The following LAD1 variants were observed in gnomAD, a reference collection of about 807,000 sequenced individuals.
The protein encoded by LAD1 is ladinin 1.
LAD1 carries 53 observed loss-of-function variants against 54.2 expected under a neutral mutation model. The observed-to-expected ratio is 0.98, with a 90% CI of 0.78 to 1.23. LAD1 has a LOEUF of 1.23. LAD1 is among the 50% of genes most tolerant of loss of function. LAD1 has a pLI of 0.00. For synonymous variants in LAD1, 231 were observed against 257.7 expected (o/e 0.90, Z 0.99); for missense variants, 637 against 653.3 (o/e 0.98, Z 0.27).
Position 201,398,193 on chromosome 1 carries a change from C to T in LAD1, c.38+1076G>A, listed in dbSNP as rs149982007. ...AGCCCTTATTAAGGGAGGGCAGGAGCGGGGTAGAGGACATACTAGAGCACT... is the reference window on the plus strand; with the variant it reads ...AGCCCTTATTAAGGGAGGGCAGGAGTGGGGTAGAGGACATACTAGAGCACT... On this transcript the variant is annotated intron_variant, in intron 1 of 9. Transcript: ENST00000391967. Among the ~76,000 whole-genome samples the T allele has an allele frequency of 9.1e-3, 1,380 of 152,158 alleles. 22 individuals carry two copies. Among genetic ancestry groups the T allele is most frequent in the African/African-American group, 0.031 (1,302 of 41,496 alleles).
intron 1 of LAD1, among the ~76,000 whole-genome samples, chr1:201,393,949 G>T (rs552392934): frequency 6.8e-6 from 1 of 146,850 alleles, no homozygotes; most frequent in Non-Finnish European, 1.5e-5. Flanking sequence ...GGTGGCTCAC[G>T]CCTGTAATCC....
rs966000401 is a variant in LAD1 at position 201,384,929 on chromosome 1, C to G, written c.1132-94G>C. 1.4e-5 allele frequency: 17 copies of G among 1,228,040 alleles called. No homozygotes were observed. The East Asian group carries it at 2.3e-4, about 17-fold the overall frequency. 76.1% of individuals were successfully genotyped at this position (1,228,040 alleles called of 1,614,324 possible). A position where few individuals can be genotyped will look rare whatever the true frequency, so the allele number is the denominator to read the frequency against. On this transcript the variant is annotated intron_variant, in intron 4 of 9. Coordinates refer to ENST00000391967, the MANE Select transcript of LAD1 (RefSeq NM_005558.4). Reference sequence around the variant, plus strand: ...AGCCCAGCTCTCAAGACATGTCCTCCTCCTCTTCAGACCTCCCACCCCTTC... The same window carrying G: ...AGCCCAGCTCTCAAGACATGTCCTCGTCCTCTTCAGACCTCCCACCCCTTC...
At chr1:201,394,083 G>A (rs1324277615) in intron 1 of LAD1, among the ~76,000 whole-genome samples, 1 of 152,168 alleles carries the variant, frequency 6.6e-6, no homozygotes, top group Non-Finnish European at 1.5e-5. Context: ...CCTGCAGTGA[G>A]AGAAACAACC....
At chr1:201,397,204 G>A (rs75019933) in intron 1 of LAD1, 4,006 of 152,516 alleles carry the variant, frequency 0.026, 67 homozygotes, top group Middle Eastern at 0.047. Flanking sequence ...CCCAGCCCAG[G>A]AGGCTCTGTT....
chr1:201,389,154 A>G lies in LAD1; in HGVS notation c.182+6T>C. Reference sequence around the variant, plus strand: ...CATCCATCAGGATAGAAACCTGAGCACCTACCTCTCAGAAGCAGAGGCCTG... The same window carrying G: ...CATCCATCAGGATAGAAACCTGAGCGCCTACCTCTCAGAAGCAGAGGCCTG... On this transcript the variant is annotated splice_donor_region_variant and intron_variant, in intron 2 of 9. Transcript: ENST00000391967. The G allele has an allele frequency of 1.2e-6, 2 of 1,613,464 alleles. No homozygotes were observed. Among genetic ancestry groups the G allele is most frequent in the Non-Finnish European group, 1.7e-6 (2 of 1,179,506 alleles).
chr1:201,395,070 A>G (rs74136611), intron 1 of LAD1, among the ~76,000 whole-genome samples: 12,672 of 152,146 alleles, frequency 0.083, 1,174 homozygotes, highest in African/African-American at 0.23. Flanking sequence ...CAAGCTTTAT[A>G]CTAAGACCCC....
chr1:201,390,715 C>G (rs1662183661), intron 1 of LAD1, among the ~76,000 whole-genome samples: 2 of 152,176 alleles, frequency 1.3e-5, no homozygotes, highest in Admixed American at 1.3e-4. Context: ...TCTCTAGCCT[C>G]TACCTGCTGG....
chr1:201,383,042 C>A, intron 7 of LAD1, 32 bp downstream of exon 7: 2 of 1,601,860 alleles, frequency 1.2e-6, no homozygotes, highest in Non-Finnish European at 1.7e-6. Flanking sequence ...GGCTAATCAC[C>A]CTAAGGACCC....
chr1:201,392,006 C>G (rs1394230119), intron 1 of LAD1, among the ~76,000 whole-genome samples: 1 of 152,254 alleles, frequency 6.6e-6, no homozygotes, highest in Non-Finnish European at 1.5e-5. Context: ...GCCAAACTCT[C>G]TACCCTTTGC....
At chr1:201,398,645 G>C (rs899206819) in intron 1 of LAD1, among the ~76,000 whole-genome samples, 6 of 152,154 alleles carry the variant, frequency 3.9e-5, no homozygotes, top group African/African-American at 1.2e-4. Context: ...CCTCATCCCC[G>C]ACCCTTTAGG....
intron 3 of LAD1, 61 bp downstream of exon 3, chr1:201,386,274 T>C: frequency 2.6e-5 from 33 of 1,255,020 alleles, no homozygotes; most frequent in Non-Finnish European, 3.1e-5. Flanking sequence ...TGGGTGGGAC[T>C]GGCCGGCAGT....
intron 2 of LAD1, among the ~76,000 whole-genome samples, chr1:201,388,071 A>T (rs1662131128): frequency 6.6e-6 from 1 of 152,156 alleles, no homozygotes; most frequent in Admixed American, 6.5e-5. Context: ...TCTAGATGGC[A>T]AAACTAGCCC....
chr1:201,384,525 C>A (rs531675732), intron 5 of LAD1, among the ~76,000 whole-genome samples: 17 of 152,168 alleles, frequency 1.1e-4, no homozygotes, highest in Admixed American at 9.8e-4. Context: ...CAAGGCTAAA[C>A]CCTCATCCCC....
chr1:201,398,440 A>G (rs1322370492), intron 1 of LAD1, among the ~76,000 whole-genome samples: 2 of 152,114 alleles, frequency 1.3e-5, no homozygotes, highest in Non-Finnish European at 2.9e-5. Flanking sequence ...TAGGGACAAG[A>G]TGGGGGACGG....
At chr1:201,390,501 C>T (rs2102358760) in intron 1 of LAD1, among the ~76,000 whole-genome samples, 1 of 152,262 alleles carries the variant, frequency 6.6e-6, no homozygotes, top group Admixed American at 6.5e-5. Flanking sequence ...AGTGCCATTG[C>T]ACTCCAGCCT....
At chr1:201,394,129 G>A (rs182839755) in intron 1 of LAD1, among the ~76,000 whole-genome samples, 1 of 152,226 alleles carries the variant, frequency 6.6e-6, no homozygotes, top group East Asian at 1.9e-4. Flanking sequence ...TGCCCAGTAC[G>A]GTGCCCGGCA....
At chr1:201,382,843 A>G (rs748164442) in intron 7 of LAD1, 104 bp from the exon 8 acceptor site, 13 of 980,818 alleles carry the variant, frequency 1.3e-5, no homozygotes, top group Non-Finnish European at 1.5e-5. Flanking sequence ...TCCCCTATGC[A>G]TCCAGCACAT....
chr1:201,386,491 G>C lies in LAD1; in HGVS notation c.870C>G (p.Pro290=). The C allele has an allele frequency of 6.4e-7, 1 of 1,572,558 alleles. No homozygotes were observed. The change falls in exon 3 of 10, where the codon CCC becomes CCG. Residue 290 remains proline (P), a synonymous_variant. Coordinates refer to ENST00000391967, the MANE Select transcript of LAD1 (RefSeq NM_005558.4). Reference sequence around the variant, plus strand: ...CAGAGGCTGGCGGCTCCTGCGCCAGGGGCTGCTCTGAGGCTGTGGCCCTCT... The same window carrying C: ...CAGAGGCTGGCGGCTCCTGCGCCAGCGGCTGCTCTGAGGCTGTGGCCCTCT... ...APKRATASEQ[P]LAQEPPASGG... is the part of the protein sequence containing the mutation.
At position 201,385,642 on chromosome 1, in the gene LAD1, G is replaced by A. The variant is rs943587849; in HGVS notation, c.1131+59C>T. 24 of 1,228,544 alleles carry A rather than the reference G, an allele frequency of 2.0e-5. No homozygotes were observed. The East Asian group carries it at 5.3e-4, about 27-fold the overall frequency. The allele number at this position is 1,228,544 out of a possible 1,614,324, so 76.1% of individuals were successfully genotyped here. The stretch of plus-strand genomic sequence containing the variant: ...CTACGGCTCCTATGTTGTAATGGAT[G>A]CGGGCTTCCTCCACTTGCCCTCCAG... On this transcript the variant is annotated intron_variant, in intron 4 of 9. Transcript: ENST00000391967.
Sources: gnomAD v4.1 joint callset for allele counts (sites outside exome capture counted in the v4.1 genomes callset) on GRCh38, gnomAD v4.1.1 for gene constraint, MANE v1.5 for transcripts, NCBI Gene and HGNC (gene_info 2026-07-23, HGNC 2026-07-21) for gene names.